Variants in PLEKHM1 observed in about 807,000 individuals in gnomAD.
PLEKHM1 encodes the protein pleckstrin homology and RUN domain containing M1.
In PLEKHM1, 28 loss-of-function variants were observed where a neutral mutation model predicts 94.3. The observed-to-expected ratio is 0.30, with a 90% confidence interval of 0.22 to 0.41. PLEKHM1 has a LOEUF of 0.41. PLEKHM1 is among the 10% of genes least tolerant of loss of function. The pLI is 1.00. For synonymous variants in PLEKHM1, 424 were observed against 581.2 expected, an observed-to-expected ratio of 0.73 and a Z score of 3.89; for missense variants, 907 against 1,358.6, an observed-to-expected ratio of 0.67 and a Z score of 5.22.
rs1157565232 is a variant in PLEKHM1 at position 45,453,344 on chromosome 17, C to T, written c.2497+11G>A. 6.2e-7 allele frequency: 1 copy of T among 1,610,592 alleles called. No individual in the cohort carries two copies. The highest frequency in any genetic ancestry group is 8.5e-7 in the Non-Finnish European group (1 of 1,178,424). On this transcript the variant is annotated intron_variant, in intron 7 of 11. Coordinates refer to ENST00000430334, the MANE Select transcript of PLEKHM1 (RefSeq NM_014798.3). The surrounding 1 kb of genome is among the most constrained non-coding windows in gnomAD (Gnocchi z 4.1). ...TGGCAGGCTGGGGGTGGCAGCAGAG[C>T]AAATCGGCACCTGCGCAGAAGCAGC...
At chr17:45,470,617 A>C (rs2051473478) in intron 4 of PLEKHM1, among the ~76,000 whole-genome samples, 1 of 152,034 alleles carries the variant, frequency 6.6e-6, no homozygotes, top group African/African-American at 2.4e-5. Flanking sequence ...CAACAAAGTG[A>C]AACTCTGTTT....
intron 8 of PLEKHM1, among the ~76,000 whole-genome samples, chr17:45,446,876 T>C (rs1374202705): frequency 6.6e-6 from 1 of 152,190 alleles, no homozygotes. Context: ...TATCCCTCTC[T>C]GTGACTCAGT....
intron 8 of PLEKHM1, chr17:45,446,420 T>C (rs2145186374): frequency 6.6e-6 from 1 of 152,658 alleles, no homozygotes; most frequent in East Asian, 1.9e-4. Context: ...ACGTAGCTTA[T>C]ACAACCTGCC....
intron 4 of PLEKHM1, among the ~76,000 whole-genome samples, chr17:45,473,114 T>C (rs1026888326): frequency 6.6e-6 from 1 of 151,996 alleles, no homozygotes; most frequent in African/African-American, 2.4e-5. Flanking sequence ...TCCATATTAG[T>C]CTATCCTTTT....
At chr17:45,478,926 G>A (rs973873645) in intron 2 of PLEKHM1, among the ~76,000 whole-genome samples, 6 of 151,982 alleles carry the variant, frequency 3.9e-5, no homozygotes, top group Non-Finnish European at 7.4e-5. Flanking sequence ...CCACTTAACC[G>A]CTTTGAGCCT....
rs1472078702 is a variant in PLEKHM1, at chr17:45,437,107, C to G, written c.*751G>C. 3 of 454,384 alleles carry G rather than the reference C, an allele frequency of 6.6e-6. No homozygotes were observed. Among genetic ancestry groups the G allele is most frequent in the South Asian group, 4.7e-5 (3 of 64,476 alleles). The allele number at this position is 454,384 out of a possible 1,614,324, so 28.1% of individuals were successfully genotyped here. On this transcript the variant is annotated 3_prime_UTR_variant, in exon 12 of 12. Coordinates refer to ENST00000430334, the MANE Select transcript of PLEKHM1 (RefSeq NM_014798.3). This position sits in a 1 kb window ranked among gnomAD's most constrained non-coding sequence, Gnocchi z 4.0. ...TCATTTCTCCTTCTCCTAATGGGGC[C>G]AAGGCCCCAGGCTAGAGAAGAGCTA... is the stretch of plus-strand genomic sequence containing the variant.
chr17:45,475,188 T>C lies in PLEKHM1; in HGVS notation c.835A>G (p.Lys279Glu), dbSNP rs752564775. 1 of 1,613,978 alleles carries C rather than the reference T, an allele frequency of 6.2e-7. No homozygotes were observed. The highest frequency in any genetic ancestry group is 8.5e-7 in the Non-Finnish European group (1 of 1,179,852). ...GGCTCCTCGCAATGGTCTGGACTCT[T>C]GGAGCCATTCTCTTGGAGTAAGCAG... ...DSCLLQENGS[K>E]SPDHCEEPMS... The change falls in exon 4 of 12, where the codon AAG becomes GAG. Residue 279 changes from lysine to glutamate, a missense_variant. By Grantham distance (56) the Lys-to-Glu change is moderately conservative. Around this residue, in one of 3 missense-constraint regions of PLEKHM1, gnomAD observed 477 missense variants for 601.5 expected, o/e 0.79. Transcript: ENST00000430334.
intron 8 of PLEKHM1, among the ~76,000 whole-genome samples, chr17:45,446,958 TG>T (rs2050625118): frequency 6.6e-6 from 1 of 152,222 alleles, no homozygotes; most frequent in South Asian, 2.1e-4. Flanking sequence ...CGTTCGCTGC[TG>T]CTGCTTTAGT....
intron 7 of PLEKHM1, among the ~76,000 whole-genome samples, chr17:45,452,504 C>G (rs2050801987): frequency 6.6e-6 from 1 of 151,608 alleles, no homozygotes; most frequent in African/African-American, 2.4e-5. Flanking sequence ...CAGACACCAA[C>G]CAGGTACTTA....
intron 7 of PLEKHM1, among the ~76,000 whole-genome samples, chr17:45,451,944 CT>C (rs2050785652): frequency 6.6e-6 from 1 of 152,238 alleles, no homozygotes; most frequent in Non-Finnish European, 1.5e-5. Context: ...CTGCAGGAAG[CT>C]CTGTTCTGCC....
intron 5 of PLEKHM1, among the ~76,000 whole-genome samples, chr17:45,466,622 T>C (rs1242573973): frequency 6.6e-6 from 1 of 152,114 alleles, no homozygotes; most frequent in Non-Finnish European, 1.5e-5. Flanking sequence ...TAAAAGAGGA[T>C]TGACTGGCCA....
In PLEKHM1 at chr17:45,486,029, A is replaced by G. The variant is rs190039380; in HGVS notation, c.-41-3504T>C. ...CAGGAGATCGAGACCATCCTGGCTA[A>G]CACGGTGAAACCCCGTCTCTACTAA... is the stretch of plus-strand genomic sequence containing the variant. On this transcript the variant is annotated intron_variant, in intron 1 of 11. Transcript: ENST00000430334. Among the ~76,000 whole-genome samples, 1,302 of 150,384 alleles carry G rather than the reference A, an allele frequency of 8.7e-3. 21 individuals are homozygous for G. The highest frequency in any genetic ancestry group is 0.028 in the Middle Eastern group (8 of 288).
Position 45,453,022 on chromosome 17 carries a change from G to T in PLEKHM1, c.2497+333C>A, listed in dbSNP as rs2050817927. ...ATATTTGGAAGGAAACCATGCCCCTGCTCTGAAAGAACAGGACGGTAGAGC... is the reference window on the plus strand; with the variant it reads ...ATATTTGGAAGGAAACCATGCCCCTTCTCTGAAAGAACAGGACGGTAGAGC... On this transcript the variant is annotated intron_variant, in intron 7 of 11. Coordinates refer to ENST00000430334, the MANE Select transcript of PLEKHM1 (RefSeq NM_014798.3). The surrounding 1 kb of genome is among the most constrained non-coding windows in gnomAD (Gnocchi z 4.1). 5.7e-6 allele frequency: 3 copies of T among 524,966 alleles called. No individual in the cohort carries two copies. Among genetic ancestry groups the T allele is most frequent in the Non-Finnish European group, 1.0e-5 (3 of 289,984 alleles). The allele number at this position is 524,966 out of a possible 1,614,324, so 32.5% of individuals were successfully genotyped here. A position where few individuals can be genotyped will look rare whatever the true frequency, so the allele number is the denominator to read the frequency against.
At chr17:45,469,204 A>C (rs1479141045) in intron 4 of PLEKHM1, among the ~76,000 whole-genome samples, 6 of 152,132 alleles carry the variant, frequency 3.9e-5, no homozygotes, top group Non-Finnish European at 8.8e-5. Flanking sequence ...GCTGGAGCTC[A>C]ATGTATACCA....
chr17:45,449,718 T>C (rs1327049612), intron 8 of PLEKHM1, among the ~76,000 whole-genome samples: 149 of 46,524 alleles, frequency 3.2e-3, no homozygotes, highest in Admixed American at 4.6e-3. Flanking sequence ...ACCTGCTCAT[T>C]CACCTACTTA....
At chr17:45,442,234 T>C (rs1460649981) in intron 9 of PLEKHM1, among the ~76,000 whole-genome samples, 2 of 152,156 alleles carry the variant, frequency 1.3e-5, no homozygotes, top group Non-Finnish European at 2.9e-5. Context: ...AGCTCCTCCC[T>C]GACTCCCTGA....
chr17:45,438,881 A>G (rs2050352824), intron 11 of PLEKHM1, among the ~76,000 whole-genome samples: 3 of 152,366 alleles, frequency 2.0e-5, no homozygotes, highest in Non-Finnish European at 1.5e-5. Context: ...TTAAAAACTC[A>G]GCCCCAGGCC....
rs61997183 is a variant in PLEKHM1 at position 45,437,969 on chromosome 17, C to T, written c.3060G>A (p.Arg1020=). 1.2e-3 allele frequency: 1,858 copies of T among 1,612,148 alleles called. 14 individuals are homozygous for T. In the African/African-American group the frequency reaches 0.021, roughly 18 times the overall value. ...GGAAGACGGTCTTGCACTCGGCACA[C>T]CTGGGGAGAGAGCAGTAGGCCTGCT... ...IFPFEFDTTV[R]CAECKTVFHQ... is the part of the protein sequence containing the mutation. Residue 1020 remains arginine, a splice_region_variant and synonymous_variant, in exon 12 of 12, where the codon AGG becomes AGA. Coordinates refer to ENST00000430334, the MANE Select transcript of PLEKHM1 (RefSeq NM_014798.3). This position sits in a 1 kb window ranked among gnomAD's most constrained non-coding sequence, Gnocchi z 4.0.
intron 4 of PLEKHM1, among the ~76,000 whole-genome samples, chr17:45,472,221 T>C (rs574038875): frequency 1.3e-5 from 2 of 152,336 alleles, no homozygotes; most frequent in Non-Finnish European, 2.9e-5. Context: ...TCTCTGTGGA[T>C]GCTCAAGGAC....
Sources: gnomAD v4.1 joint callset for allele counts (sites outside exome capture counted in the v4.1 genomes callset) on GRCh38, gnomAD v4.1.1 for gene constraint, gnomAD v4.1.1 regional missense constraint, Gnocchi (gnomAD v3.1) non-coding constraint, MANE v1.5 for transcripts, NCBI Gene and HGNC (gene_info 2026-07-23, HGNC 2026-07-21) for gene names.